GYS2: variants seen among roughly 807,000 people sequenced by gnomAD.
The protein encoded by GYS2 is glycogen [starch] synthase, liver.
GYS2 carries 80 observed loss-of-function variants against 85.6 expected under a neutral mutation model. The observed-to-expected ratio is 0.93, with a 90% CI of 0.78 to 1.13. The LOEUF (loss-of-function observed/expected upper bound fraction) is 1.13, where lower values mean the gene tolerates loss of function less well. Among genes scored for constraint, GYS2 ranks in the 50% most tolerant of loss-of-function variants. GYS2 has a pLI of 0.00. For missense variants in GYS2, 881 were observed against 854.9 expected (o/e 1.03, Z -0.38); for synonymous variants, 328 against 300.7 (o/e 1.09, Z -0.94).
chr12:21,558,296 T>C lies in GYS2; in HGVS notation c.1326A>G (p.Pro442=), dbSNP rs1314699044. 3 of 1,610,954 alleles carry C rather than the reference T, an allele frequency of 1.9e-6. No homozygotes were observed. Among genetic ancestry groups the C allele is most frequent in the Non-Finnish European group, 2.5e-6 (3 of 1,177,240 alleles). ...IFSTQRQSLP[P]VTTHNMIDDS... ...CATCAATCATGTTGTGCGTGGTCACTGGGGGCAATGACTGTCGCTGAAGTA... is the reference window on the plus strand; with the variant it reads ...CATCAATCATGTTGTGCGTGGTCACCGGGGGCAATGACTGTCGCTGAAGTA... The change falls in exon 11 of 16, where the codon CCA becomes CCG. Residue 442 remains proline, a synonymous_variant. Transcript: ENST00000261195.
At chr12:21,581,188 G>A (rs902909014) in intron 1 of GYS2, among the ~76,000 whole-genome samples, 2 of 152,184 alleles carry the variant, frequency 1.3e-5, no homozygotes, top group Non-Finnish European at 2.9e-5. Flanking sequence ...TAGTAAGGGA[G>A]GAGACCACCC....
At chr12:21,559,983 G>C (rs1023168853) in intron 8 of GYS2, among the ~76,000 whole-genome samples, 7 of 152,284 alleles carry the variant, frequency 4.6e-5, no homozygotes, top group Non-Finnish European at 8.8e-5. Flanking sequence ...AGAGCAGAGA[G>C]GGGGAGTAGA....
intron 1 of GYS2, among the ~76,000 whole-genome samples, chr12:21,603,208 T>A (rs1034225990): frequency 2.0e-5 from 3 of 152,124 alleles, no homozygotes; most frequent in African/African-American, 7.2e-5. Context: ...CAGGTACACA[T>A]AAAATACTTC....
intron 12 of GYS2, among the ~76,000 whole-genome samples, chr12:21,544,603 G>C (rs1043228583): frequency 1.3e-5 from 2 of 152,196 alleles, no homozygotes; most frequent in Admixed American, 1.3e-4. Flanking sequence ...AAGTTCATCA[G>C]TGAAACGTGT....
chr12:21,597,945 G>A (rs1365741365), intron 1 of GYS2, among the ~76,000 whole-genome samples: 2 of 152,050 alleles, frequency 1.3e-5, no homozygotes, highest in African/African-American at 4.8e-5. Flanking sequence ...GCCAGGCATA[G>A]AAAGACAAAT....
chr12:21,536,062 T>C (rs1405550277), downstream of GYS2: 1 of 152,184 alleles, frequency 6.6e-6, no homozygotes, highest in African/African-American at 2.4e-5. Context: ...CCACATGTTA[T>C]TCGAATGTCT....
chr12:21,540,296 G>A, intron 14 of GYS2, 114 bp downstream of exon 14: 1 of 961,354 alleles, frequency 1.0e-6, no homozygotes, highest in Non-Finnish European at 1.6e-6. Context: ...GAGACACTGA[G>A]ATTTTAACAA....
At chr12:21,582,957 T>G (rs1384114330) in intron 1 of GYS2, among the ~76,000 whole-genome samples, 1 of 152,302 alleles carries the variant, frequency 6.6e-6, no homozygotes, top group East Asian at 1.9e-4. Flanking sequence ...ATGTGGAGAA[T>G]CAAGGAACAT....
rs1943918804 is a variant in GYS2 at position 21,537,067 on chromosome 12, T to G, written c.1999A>C (p.Arg667=). ...SDVEDEVEDE[R]YDEEEEAERD... is the part of the protein sequence containing the mutation. ...TCAGCCTCCTCTTCCTCATCGTATC[T>G]CTCATCCTCCACTTCATCTTCCACA... The change falls in exon 16 of 16, where the codon AGA becomes CGA. Residue 667 remains arginine (R), a synonymous_variant. Coordinates refer to ENST00000261195, the MANE Select transcript of GYS2 (RefSeq NM_021957.4). The G allele has an allele frequency of 1.9e-6, 3 of 1,613,780 alleles. No homozygotes were observed. Among genetic ancestry groups the G allele is most frequent in the Non-Finnish European group, 2.5e-6 (3 of 1,179,752 alleles).
intron 1 of GYS2, among the ~76,000 whole-genome samples, chr12:21,587,262 C>T (rs1944584610): frequency 6.6e-6 from 1 of 152,126 alleles, no homozygotes; most frequent in South Asian, 2.1e-4. Context: ...AGGTGATGGT[C>T]CACTAAAAGC....
chr12:21,601,969 T>C (rs1484791971), intron 1 of GYS2, among the ~76,000 whole-genome samples: 3 of 152,186 alleles, frequency 2.0e-5, no homozygotes, highest in Admixed American at 2.0e-4. Flanking sequence ...TCTCATCTGT[T>C]ATGTTTTTCA....
At chr12:21,594,505 C>G (rs910627090) in intron 1 of GYS2, among the ~76,000 whole-genome samples, 2 of 151,848 alleles carry the variant, frequency 1.3e-5, no homozygotes, top group South Asian at 2.1e-4. Flanking sequence ...TTTACAATAG[C>G]TAAAAAATAA....
rs747579633 is a variant in GYS2 at position 21,560,471 on chromosome 12, C to T, written c.1084G>A (p.Val362Met). ...LLRMHKSDIT[V>M]MVFFIMPAKT... ...GCAGGCATAATGAAAAACACCATCA[C>T]TGTGATGTCACTTTTATGCATCTGA... The change falls in exon 8 of 16, where the codon GTG becomes ATG. Residue 362 changes from valine to methionine, a missense_variant. Val to Met is a conservative substitution (Grantham distance 21). Transcript: ENST00000261195. 2.0e-5 allele frequency: 31 copies of T among 1,543,396 alleles called. No individual in the cohort carries two copies. Among genetic ancestry groups the T allele is most frequent in the Non-Finnish European group, 2.8e-5 (31 of 1,115,316 alleles).
At chr12:21,595,173 T>G (rs1482258148) in intron 1 of GYS2, among the ~76,000 whole-genome samples, 1 of 152,184 alleles carries the variant, frequency 6.6e-6, no homozygotes, top group Non-Finnish European at 1.5e-5. Flanking sequence ...AGGCCTAGAT[T>G]GCAGCTCCAA....
chr12:21,534,015 C>T (rs1204333750), downstream of GYS2, among the ~76,000 whole-genome samples: 1 of 152,186 alleles, frequency 6.6e-6, no homozygotes, highest in East Asian at 1.9e-4. Flanking sequence ...GCTCTGTCCA[C>T]ATGATCTAAT....
chr12:21,604,505 GC>G lies in GYS2; in HGVS notation c.87del (p.Leu30SerfsTer8), dbSNP rs1944785134. 1 of 1,612,206 alleles carries G rather than the reference GC, an allele frequency of 6.2e-7. No individual in the cohort carries two copies. The highest frequency in any genetic ancestry group is 8.5e-7 in the Non-Finnish European group (1 of 1,178,568). ...EVEELPVEEL[L>X]LFEVAWEVTN... ...GTCACTTCCCAAGCAACTTCAAAGA[GC>G]AGTAACTCCTCCACAGGAAGTTCTT... is the stretch of plus-strand genomic sequence containing the variant. On this transcript the variant is annotated frameshift_variant, in exon 1 of 16. Transcript: ENST00000261195. LOFTEE classifies it high-confidence loss of function.
intron 7 of GYS2, among the ~76,000 whole-genome samples, chr12:21,561,998 T>G (rs1309613915): frequency 6.6e-6 from 1 of 152,236 alleles, no homozygotes; most frequent in East Asian, 1.9e-4. Flanking sequence ...TGTGAATATT[T>G]TCCTATTACT....
intron 1 of GYS2, among the ~76,000 whole-genome samples, chr12:21,599,430 A>G: frequency 6.6e-6 from 1 of 152,184 alleles, no homozygotes; most frequent in East Asian, 1.9e-4. Flanking sequence ...CAGTCTTGGC[A>G]GTGGGAGGTG....
At chr12:21,575,413 T>C (rs1468531345) in intron 3 of GYS2, among the ~76,000 whole-genome samples, 1 of 152,172 alleles carries the variant, frequency 6.6e-6, no homozygotes, top group African/African-American at 2.4e-5. Flanking sequence ...CAAAACACTG[T>C]CATTGAAGAA....
Sources: gnomAD v4.1 joint callset for allele counts (sites outside exome capture counted in the v4.1 genomes callset) on GRCh38, gnomAD v4.1.1 for gene constraint, MANE v1.5 for transcripts, NCBI Gene and HGNC (gene_info 2026-07-23, HGNC 2026-07-21) for gene names.